TXNDC8: variants seen among roughly 807,000 people sequenced by gnomAD.
TXNDC8 encodes the protein thioredoxin domain containing 8.
In TXNDC8, 15 loss-of-function variants were observed where a neutral mutation model predicts 12.9. The ratio of observed to expected loss-of-function variants is 1.16; its 90% CI spans 0.78 to 1.79. TXNDC8 has a LOEUF of 1.79. TXNDC8 is among the 40% of genes most tolerant of loss of function. TXNDC8 has a pLI of 0.00. For synonymous variants in TXNDC8, 40 were observed against 35.4 expected (o/e 1.13, Z -0.46); for missense variants, 128 against 113.2 (o/e 1.13, Z -0.59).
chr9:110,333,711 G>A (rs758928450), intron 2 of TXNDC8, among the ~76,000 whole-genome samples: 1 of 151,950 alleles, frequency 6.6e-6, no homozygotes, highest in Non-Finnish European at 1.5e-5. Flanking sequence ...AACAGATTTT[G>A]TTTATTTAAC....
intron 3 of TXNDC8, chr9:110,323,208 A>G: frequency 4.1e-6 from 4 of 985,462 alleles, no homozygotes; most frequent in Non-Finnish European, 4.8e-6. Flanking sequence ...TATAGATGGA[A>G]CTAGAAGTAG....
chr9:110,319,105 G>A (rs1446471072), intron 3 of TXNDC8, among the ~76,000 whole-genome samples: 5 of 152,164 alleles, frequency 3.3e-5, no homozygotes, highest in Admixed American at 1.3e-4. Flanking sequence ...CTCTGCCAGT[G>A]CATCAACTGT....
At chr9:110,322,815 A>G in intron 3 of TXNDC8, 1 of 985,506 alleles carries the variant, frequency 1.0e-6, no homozygotes. Context: ...AGAAGCATTC[A>G]TTCATTCATT....
rs776967970 is a variant in TXNDC8 at position 110,326,177 on chromosome 9, T to C, written c.193A>G (p.Lys65Glu). The C allele has an allele frequency of 1.2e-6, 2 of 1,614,148 alleles. No individual in the cohort carries two copies. Among genetic ancestry groups the C allele is most frequent in the Non-Finnish European group, 1.7e-6 (2 of 1,179,986 alleles). The change falls in exon 3 of 5, where the codon AAG becomes GAG. Residue 65 changes from lysine (K) to glutamate (E), a missense_variant and splice_region_variant. Lys to Glu is a moderately conservative substitution (Grantham distance 56). Coordinates refer to ENST00000423740, the MANE Select transcript of TXNDC8 (RefSeq NM_001286946.2). ...TGCTGGTTACCCTGGAAACATACCT[T>C]CTGGCTTTTCTTGAACATCTGAAAT...
intron 4 of TXNDC8, 116 bp downstream of exon 5, chr9:110,304,351 A>T (rs1404993453): frequency 1.1e-6 from 1 of 915,462 alleles, no homozygotes; most frequent in Non-Finnish European, 1.6e-6. Context: ...AACCATCCCC[A>T]CACCAAAGGC....
chr9:110,308,732 C>T (rs978913382), intron 3 of TXNDC8, among the ~76,000 whole-genome samples: 1 of 152,230 alleles, frequency 6.6e-6, no homozygotes, highest in African/African-American at 2.4e-5. Context: ...CCCTTTGCCA[C>T]CTGCAGTACC....
chr9:110,310,243 G>A (rs1838615141), intron 3 of TXNDC8, among the ~76,000 whole-genome samples: 1 of 151,778 alleles, frequency 6.6e-6, no homozygotes, highest in Non-Finnish European at 1.5e-5. Context: ...ATATTGGAAA[G>A]GCCTTTATAA....
At position 110,315,876 on chromosome 9, in the gene TXNDC8, GA is replaced by G. The variant is rs1302244011; in HGVS notation, c.195+10298del. ...GAGGGGGCGGGGGGCGCAGGCTGTA[GA>G]AATGTATGTACAATATAATTTCTTT... is the stretch of plus-strand genomic sequence containing the variant. On this transcript the variant is annotated intron_variant, in intron 3 of 4. Transcript: ENST00000423740. Among the ~76,000 whole-genome samples the G allele has an allele frequency of 2.0e-5, 3 of 151,460 alleles. No individual in the cohort carries two copies. In the East Asian group the frequency reaches 5.8e-4, roughly 30 times the overall value.
intron 2 of TXNDC8, among the ~76,000 whole-genome samples, chr9:110,330,132 T>C (rs1839493170): frequency 6.6e-6 from 1 of 152,218 alleles, no homozygotes; most frequent in Non-Finnish European, 1.5e-5. Flanking sequence ...GGACACTTGA[T>C]GGCATTTTGA....
intron 2 of TXNDC8, among the ~76,000 whole-genome samples, chr9:110,333,803 GATA>G (rs1490419691): frequency 6.6e-6 from 1 of 152,172 alleles, no homozygotes; most frequent in Non-Finnish European, 1.5e-5. Context: ...GGTTTGTTCT[GATA>G]ATAAGGTTGA....
intron 2 of TXNDC8, among the ~76,000 whole-genome samples, chr9:110,328,345 TA>T (rs1839416672): frequency 6.6e-6 from 1 of 152,198 alleles, no homozygotes; most frequent in African/African-American, 2.4e-5. Context: ...TGGGGTTGAT[TA>T]TTTTTTGGGG....
chr9:110,326,451 C>T (rs76058834), intron 2 of TXNDC8, among the ~76,000 whole-genome samples: 2,152 of 152,252 alleles, frequency 0.014, 39 homozygotes, highest in African/African-American at 0.048. Context: ...ATCGTTACAG[C>T]GTTCCTGGGC....
chr9:110,331,728 C>T (rs1473934569), intron 2 of TXNDC8, among the ~76,000 whole-genome samples: 2 of 152,144 alleles, frequency 1.3e-5, no homozygotes, highest in Admixed American at 6.5e-5. Context: ...GAGGGTGCAA[C>T]CTAGATCCCT....
chr9:110,306,067 A>G (rs188830584), intron 3 of TXNDC8, among the ~76,000 whole-genome samples: 5 of 152,066 alleles, frequency 3.3e-5, no homozygotes, highest in African/African-American at 9.7e-5. Flanking sequence ...GGCTTTCACC[A>G]TGTTGGCTAG....
rs555525210 is a variant in TXNDC8 at position 110,317,362 on chromosome 9, T to G, written c.195+8813A>C. On this transcript the variant is annotated intron_variant, in intron 3 of 4. Transcript: ENST00000423740. The stretch of plus-strand genomic sequence containing the variant: ...TGCCTGTTTCCTATATCCCTTCACT[T>G]CTCCCCATGTTTAGAGGTGAGCTTA... 9.2e-5 allele frequency among the ~76,000 whole-genome samples: 14 copies of G among 152,278 alleles called. No homozygotes were observed. The South Asian group carries it at 2.9e-3, about 32-fold the overall frequency.
intron 3 of TXNDC8, among the ~76,000 whole-genome samples, chr9:110,310,235 A>G (rs1281949344): frequency 6.6e-6 from 1 of 151,680 alleles, no homozygotes; most frequent in African/African-American, 2.4e-5. Context: ...GCATGTGTAT[A>G]TTGGAAAGGC....
intron 2 of TXNDC8, among the ~76,000 whole-genome samples, chr9:110,330,725 T>G (rs1222801008): frequency 6.6e-6 from 1 of 152,248 alleles, no homozygotes; most frequent in Non-Finnish European, 1.5e-5. Flanking sequence ...CATCTGTTTT[T>G]GTGTTGTCAC....
intron 3 of TXNDC8, chr9:110,323,872 A>T: frequency 6.4e-7 from 1 of 1,550,392 alleles, no homozygotes; most frequent in Non-Finnish European, 8.7e-7. Context: ...GGAGAAGGTT[A>T]TTTACCTAGC....
intron 3 of TXNDC8, among the ~76,000 whole-genome samples, chr9:110,325,129 GA>G (rs879471898): frequency 3.4e-5 from 5 of 148,692 alleles, no homozygotes; most frequent in Non-Finnish European, 6.0e-5. Flanking sequence ...CCCCACCCCC[GA>G]AAAAAAAAGA....
Sources: allele counts gnomAD v4.1 joint callset (sites outside exome capture counted in the v4.1 genomes callset), GRCh38; gene constraint gnomAD v4.1.1; transcripts MANE v1.5; gene names NCBI Gene and HGNC (gene_info 2026-07-23, HGNC 2026-07-21).